ATAD5: variants seen among roughly 807,000 people sequenced by gnomAD.
ATAD5 encodes ATPase family AAA domain-containing protein 5.
In ATAD5, 58 loss-of-function variants were observed where a neutral mutation model predicts 176.9. The ratio of observed to expected loss-of-function variants is 0.33; its 90% CI spans 0.27 to 0.41. ATAD5 has a LOEUF of 0.41. Ranked by LOEUF, ATAD5 falls within the 10% of genes least tolerant of loss-of-function variation. The pLI, the probability that ATAD5 is intolerant of heterozygous loss-of-function variation, is 1.00. For synonymous variants in ATAD5, 640 were observed against 712.6 expected (o/e 0.90, Z 1.62); for missense variants, 1,789 against 2,094.1 (o/e 0.85, Z 2.84).
chr17:30,875,404 G>A (rs906513994), intron 14 of ATAD5, among the ~76,000 whole-genome samples: 1 of 152,092 alleles, frequency 6.6e-6, no homozygotes, highest in African/African-American at 2.4e-5. Flanking sequence ...TCTGTAATGT[G>A]CTCAGTGTAT....
intron 4 of ATAD5, 112 bp downstream of exon 4, chr17:30,840,893 G>T: frequency 1.9e-6 from 2 of 1,048,186 alleles, no homozygotes; most frequent in Admixed American, 3.4e-5. Flanking sequence ...AGCTTGAAGT[G>T]GTAGAGAGAA....
chr17:30,858,360 A>G (rs763838431), intron 9 of ATAD5, 37 bp downstream of exon 9: 3 of 1,309,932 alleles, frequency 2.3e-6, no homozygotes, highest in Admixed American at 3.0e-5. Context: ...TTAACATACC[A>G]GTTTTGGGTT....
intron 19 of ATAD5, among the ~76,000 whole-genome samples, 181 bp from the exon 20 acceptor site, chr17:30,892,425 TA>T (rs67654723): frequency 0.36 from 48,384 of 133,240 alleles, 9,396 homozygotes; most frequent in East Asian, 0.85. Flanking sequence ...ACTCTGTCTT[TA>T]AAAAAAAAAA....
intron 15 of ATAD5, among the ~76,000 whole-genome samples, chr17:30,877,143 G>T (rs768126173): frequency 6.6e-6 from 1 of 152,120 alleles, no homozygotes; most frequent in East Asian, 1.9e-4. Context: ...TCAGCCTCCC[G>T]TGTAGCTGAG....
At chr17:30,853,677 A>G (rs1907108197) in intron 6 of ATAD5, among the ~76,000 whole-genome samples, 1 of 152,150 alleles carries the variant, frequency 6.6e-6, no homozygotes, top group African/African-American at 2.4e-5. Context: ...CAGGCAGGCT[A>G]GGAAGGACAT....
chr17:30,873,837 A>G lies in ATAD5; in HGVS notation c.3608-2537A>G, dbSNP rs149710428. 1.1e-4 allele frequency among the ~76,000 whole-genome samples: 16 copies of G among 151,848 alleles called. No homozygotes were observed. The East Asian group carries it at 3.1e-3, about 30-fold the overall frequency. ...CTCCCAGAGTGCTGGGATTGCAGGTATGTGCCACTGCACTTGGCTAAGCAT... is the reference window on the plus strand; with the variant it reads ...CTCCCAGAGTGCTGGGATTGCAGGTGTGTGCCACTGCACTTGGCTAAGCAT... On this transcript the variant is annotated intron_variant, in intron 14 of 22. Transcript: ENST00000321990.
chr17:30,855,302 C>A lies in ATAD5; in HGVS notation c.2610C>A (p.Val870=). ...YNAVSTSFQR[V]VHVQQKDDGC... ...CAGTGAGTACCAGTTTCCAGAGAGT[C>A]GTACATGTGCAACAAAAGGATGATG... is the stretch of plus-strand genomic sequence containing the variant. The change falls in exon 7 of 23, where the codon GTC becomes GTA. Residue 870 remains valine, a synonymous_variant. Transcript: ENST00000321990. 6.3e-7 allele frequency: 1 copy of A among 1,592,506 alleles called. No homozygotes were observed. The highest frequency in any genetic ancestry group is 1.2e-5 in the South Asian group (1 of 86,876).
At chr17:30,881,285 G>T (rs1354146331) in intron 18 of ATAD5, among the ~76,000 whole-genome samples, 1 of 151,630 alleles carries the variant, frequency 6.6e-6, no homozygotes, top group African/African-American at 2.4e-5. Context: ...ATTTTTTTAG[G>T]TGAGGTCTCA....
chr17:30,891,225 G>A (rs1213460305), intron 19 of ATAD5, among the ~76,000 whole-genome samples: 1 of 151,858 alleles, frequency 6.6e-6, no homozygotes, highest in Non-Finnish European at 1.5e-5. Context: ...AGTATATGAT[G>A]GTTTTTTTAT....
rs761143646 is a variant in ATAD5, at chr17:30,834,834, C to T, written c.753C>T (p.Asn251=). 5.6e-5 allele frequency: 90 copies of T among 1,613,398 alleles called. No individual in the cohort carries two copies. Among genetic ancestry groups the T allele is most frequent in the Non-Finnish European group, 7.0e-5 (83 of 1,179,764 alleles). The part of the protein sequence containing the change: ...NTTSHANSRD[N]VTEAAQLNDS... ...CAAGCCATGCAAACTCTAGAGATAA[C>T]GTAACTGAAGCAGCCCAGTTAAATG... is the stretch of plus-strand genomic sequence containing the variant. Residue 251 remains asparagine (N), a synonymous_variant, in exon 2 of 23, where the codon AAC becomes AAT. Transcript: ENST00000321990.
intron 5 of ATAD5, among the ~76,000 whole-genome samples, chr17:30,844,563 T>G (rs1326632759): frequency 1.3e-5 from 2 of 150,256 alleles, no homozygotes; most frequent in East Asian, 1.9e-4. Context: ...TTTTTTTTTT[T>G]TGTGACAGAG....
chr17:30,835,857 G>A lies in ATAD5; in HGVS notation c.1776G>A (p.Lys592=), dbSNP rs1414024225. 1 of 1,613,950 alleles carries A rather than the reference G, an allele frequency of 6.2e-7. No individual in the cohort carries two copies. Among genetic ancestry groups the A allele is most frequent in the Non-Finnish European group, 8.5e-7 (1 of 1,179,976 alleles). Residue 592 remains lysine, a synonymous_variant, in exon 2 of 23, where the codon AAG becomes AAA. Coordinates refer to ENST00000321990, the MANE Select transcript of ATAD5 (RefSeq NM_024857.5). ...EASLLNVSTP[K]STRRSGRISS... The stretch of plus-strand genomic sequence containing the variant: ...GCTTGCTAAATGTTTCCACGCCCAA[G>A]TCAACTAGAAGATCTGGAAGAATTA...
At chr17:30,851,431 G>A (rs1189601423) in intron 6 of ATAD5, among the ~76,000 whole-genome samples, 1 of 150,110 alleles carries the variant, frequency 6.7e-6, no homozygotes, top group African/African-American at 2.4e-5. Context: ...GGGAGGTGGA[G>A]CTTACAGTGA....
chr17:30,881,158 C>T (rs1024071995), intron 18 of ATAD5, among the ~76,000 whole-genome samples: 1 of 151,234 alleles, frequency 6.6e-6, no homozygotes, highest in South Asian at 2.1e-4. Context: ...CATGGTGGCT[C>T]ATACTTGTAA....
At chr17:30,854,068 G>A (rs1907141437) in intron 6 of ATAD5, among the ~76,000 whole-genome samples, 1 of 150,550 alleles carries the variant, frequency 6.6e-6, no homozygotes, top group African/African-American at 2.4e-5. Context: ...CTTAACATGG[G>A]TAGACTTTCA....
chr17:30,872,584 C>G (rs1597984823), intron 14 of ATAD5, among the ~76,000 whole-genome samples: 2 of 144,690 alleles, frequency 1.4e-5, no homozygotes, highest in East Asian at 2.0e-4. Context: ...GAGACGGAGT[C>G]TCACACTGTT....
chr17:30,869,528 T>C lies in ATAD5; in HGVS notation c.3489T>C (p.Ser1163=). ...AAGTGAATGCCTCTTCCCAGCGCAGTGGTAGACAAATTCTATCTCAGTTGA... is the reference window on the plus strand; with the variant it reads ...AAGTGAATGCCTCTTCCCAGCGCAGCGGTAGACAAATTCTATCTCAGTTGA... The part of the protein sequence containing the change: ...IFEVNASSQR[S]GRQILSQLKE... Residue 1163 remains serine, a synonymous_variant, in exon 14 of 23, where the codon AGT becomes AGC. Coordinates refer to ENST00000321990, the MANE Select transcript of ATAD5 (RefSeq NM_024857.5). 2 of 1,613,178 alleles carry C rather than the reference T, an allele frequency of 1.2e-6. No homozygotes were observed. Among genetic ancestry groups the C allele is most frequent in the Non-Finnish European group, 1.7e-6 (2 of 1,179,850 alleles).
intron 6 of ATAD5, among the ~76,000 whole-genome samples, chr17:30,852,902 T>A (rs1907056800): frequency 6.6e-6 from 1 of 151,820 alleles, no homozygotes; most frequent in Non-Finnish European, 1.5e-5. Flanking sequence ...TTTTTTTTTT[T>A]TTTTGAGACA....
Position 30,832,065 on chromosome 17 carries a change from C to G in ATAD5, c.-283C>G, listed in dbSNP as rs1439822066. ...TGCTTTCCCTGCCCGGTCCCGAGCG[C>G]TCAGCCTGAAGCGCCGCTTTCGAGG... On this transcript the variant is annotated 5_prime_UTR_variant, in exon 1 of 23. Transcript: ENST00000321990. 5 of 382,134 alleles carry G rather than the reference C, an allele frequency of 1.3e-5. No individual in the cohort carries two copies. The highest frequency in any genetic ancestry group is 2.3e-5 in the Non-Finnish European group (5 of 215,978). 23.7% of individuals were successfully genotyped at this position (382,134 alleles called of 1,614,324 possible). A position where few individuals can be genotyped will look rare whatever the true frequency, so the allele number is the denominator to read the frequency against.
Sources: allele counts gnomAD v4.1 joint callset (sites outside exome capture counted in the v4.1 genomes callset), GRCh38; gene constraint gnomAD v4.1.1; transcripts MANE v1.5; gene names NCBI Gene and HGNC (gene_info 2026-07-23, HGNC 2026-07-21).